Variants in PTPN21 observed in about 807,000 individuals in gnomAD.
PTPN21 encodes the protein tyrosine-protein phosphatase non-receptor type 21.
Under a neutral mutation model 131.8 loss-of-function variants are expected in PTPN21, and 77 were observed. The ratio of observed to expected loss-of-function variants is 0.58; its 90% CI spans 0.49 to 0.71. The LOEUF is 0.71. PTPN21 is among the 30% of genes least tolerant of loss of function. PTPN21 has a pLI of 0.00. For synonymous variants in PTPN21, 715 were observed against 621.3 expected, an observed-to-expected ratio of 1.15 and a Z score of -2.24; for missense variants, 1,552 against 1,527.1, an observed-to-expected ratio of 1.02 and a Z score of -0.27.
intron 2 of PTPN21, among the ~76,000 whole-genome samples, chr14:88,522,244 T>C (rs755306989): frequency 3.3e-5 from 5 of 151,608 alleles, no homozygotes; most frequent in Non-Finnish European, 5.9e-5. Flanking sequence ...CTGGCCAACA[T>C]GGTGAAACTC....
intron 1 of PTPN21, among the ~76,000 whole-genome samples, chr14:88,550,951 T>C (rs2139371060): frequency 6.6e-6 from 1 of 152,314 alleles, no homozygotes; most frequent in South Asian, 2.1e-4. Context: ...TGTTGTTTTT[T>C]CATAGGTAAC....
At chr14:88,508,158 T>G (rs988315981) in intron 3 of PTPN21, 138 bp from the exon 4 acceptor site, 33 of 525,806 alleles carry the variant, frequency 6.3e-5, no homozygotes, top group Admixed American at 1.4e-4. Flanking sequence ...GTGTTTTTTT[T>G]TTTTTTTTTA....
chr14:88,489,857 A>AC (rs1595363323), intron 10 of PTPN21, among the ~76,000 whole-genome samples: 3 of 151,232 alleles, frequency 2.0e-5, no homozygotes, highest in Non-Finnish European at 4.4e-5. Context: ...TCCACTGTTC[A>AC]CCCCCCTACC....
chr14:88,498,229 T>C (rs2077954377), intron 8 of PTPN21, among the ~76,000 whole-genome samples: 1 of 152,014 alleles, frequency 6.6e-6, no homozygotes, highest in East Asian at 1.9e-4. Flanking sequence ...TGAACCAAGA[T>C]TGTGCCACTG....
rs2077361520 is a variant in PTPN21 at position 88,466,258 on chromosome 14, T to G, written c.*1879A>C. ...ACATTTTGTTCCTACAAAATGTAAT[T>G]TTTTAATTTTGTAAAATAAAAATGT... On this transcript the variant is annotated 3_prime_UTR_variant, in exon 19 of 19. Coordinates refer to ENST00000556564, the MANE Select transcript of PTPN21 (RefSeq NM_007039.4). 6.6e-6 allele frequency: 1 copy of G among 151,594 alleles called. No homozygotes were observed. 9.4% of individuals were successfully genotyped at this position (151,594 alleles called of 1,614,324 possible). A position where few individuals can be genotyped will look rare whatever the true frequency, so the allele number is the denominator to read the frequency against.
chr14:88,524,763 G>A (rs1287329485), intron 2 of PTPN21, among the ~76,000 whole-genome samples: 1 of 151,750 alleles, frequency 6.6e-6, no homozygotes, highest in East Asian at 1.9e-4. Flanking sequence ...AAGTTAGCTG[G>A]GTGTGGTGGC....
intron 1 of PTPN21, chr14:88,551,524 C>T (rs73317764): frequency 0.084 from 12,746 of 152,296 alleles, 872 homozygotes; most frequent in African/African-American, 0.19. Flanking sequence ...TTTCTGCAGC[C>T]GCGTTTCTGG....
chr14:88,467,951 G>A lies in PTPN21; in HGVS notation c.*186C>T. The A allele has an allele frequency of 1.3e-6, 1 of 783,926 alleles. No individual in the cohort carries two copies. Among genetic ancestry groups the A allele is most frequent in the Non-Finnish European group, 2.1e-6 (1 of 478,260 alleles). The allele number at this position is 783,926 out of a possible 1,614,324, so 48.6% of individuals were successfully genotyped here. A position where few individuals can be genotyped will look rare whatever the true frequency, so the allele number is the denominator to read the frequency against. The stretch of plus-strand genomic sequence containing the variant: ...CTCCTTGAGCACCTTTCCCAGGTTA[G>A]AAACCCCTCTTCAGCCTGTGCTTCG... On this transcript the variant is annotated 3_prime_UTR_variant, in exon 19 of 19. Transcript: ENST00000556564.
rs578053649 is a variant in PTPN21, at chr14:88,550,608, T to C, written c.-191A>G. 5.4e-4 allele frequency: 308 copies of C among 570,056 alleles called. No individual in the cohort carries two copies. The highest frequency in any genetic ancestry group is 7.5e-4 in the Non-Finnish European group (245 of 327,388). 35.3% of individuals were successfully genotyped at this position (570,056 alleles called of 1,614,324 possible). A position where few individuals can be genotyped will look rare whatever the true frequency, so the allele number is the denominator to read the frequency against. ...CTCCAATGGCCCGAGGAAGGGAGCA[T>C]TGACGCCAGCGCTGGGGAAAGAGGA... On this transcript the variant is annotated 5_prime_UTR_variant, in exon 2 of 19. The change abolishes an upstream ATG in the 5' untranslated region. Transcript: ENST00000556564.
At position 88,479,073 on chromosome 14, in the gene PTPN21, G is replaced by A; in HGVS notation, c.2358C>T (p.Pro786=). ...AGGGCATCAGCAGCCCGTCTCTCCA[G>A]GGCCGCTGGGCCTCTGCGGTCGTGC... The part of the protein sequence containing the change: ...PVRTTAEAQR[P]WRDGLLMPSM... The change falls in exon 13 of 19, where the codon CCC becomes CCT. Residue 786 remains proline, a synonymous_variant. Transcript: ENST00000556564. The A allele has an allele frequency of 6.3e-7, 1 of 1,597,538 alleles. No individual in the cohort carries two copies. Among genetic ancestry groups the A allele is most frequent in the South Asian group, 1.1e-5 (1 of 89,478 alleles).
At chr14:88,499,067 G>A (rs1271854092) in intron 8 of PTPN21, among the ~76,000 whole-genome samples, 2 of 152,156 alleles carry the variant, frequency 1.3e-5, no homozygotes, top group African/African-American at 4.8e-5. Flanking sequence ...TGACACTTTG[G>A]GCACCATCAG....
Position 88,550,515 on chromosome 14 carries a change from G to T in PTPN21, c.-98C>A. 2.6e-6 allele frequency: 3 copies of T among 1,166,152 alleles called. No homozygotes were observed. Among genetic ancestry groups the T allele is most frequent in the Non-Finnish European group, 3.6e-6 (3 of 832,736 alleles). 72.2% of individuals were successfully genotyped at this position (1,166,152 alleles called of 1,614,324 possible). ...AGGAGAAAGCGATCCTCTCCGGATG[G>T]GACGAACACTGTCCGGCCTCCAGCT... On this transcript the variant is annotated 5_prime_UTR_variant, in exon 2 of 19. Transcript: ENST00000556564.
chr14:88,494,175 A>G (rs1157274589), intron 10 of PTPN21, among the ~76,000 whole-genome samples: 2 of 152,176 alleles, frequency 1.3e-5, no homozygotes, highest in Non-Finnish European at 2.9e-5. Context: ...GTCATATCTG[A>G]CCAGACAGCA....
At chr14:88,507,456 AC>A (rs2078109182) in intron 4 of PTPN21, among the ~76,000 whole-genome samples, 3 of 152,170 alleles carry the variant, frequency 2.0e-5, no homozygotes, top group Non-Finnish European at 4.4e-5. Context: ...ATATTGTATA[AC>A]CTATTGCTCA....
Position 88,479,878 on chromosome 14 carries a change from A to C in PTPN21, c.1553T>G (p.Phe518Cys). Residue 518 changes from phenylalanine (F) to cysteine (C), a missense_variant, in exon 13 of 19, where the codon TTC becomes TGC. Phe to Cys is a radical substitution (Grantham distance 205, BLOSUM62 -2). Around this residue, in one of 4 missense-constraint regions of PTPN21, gnomAD observed 1,016 missense variants for 883.5 expected, o/e 1.15. Transcript: ENST00000556564. Reference sequence around the variant, plus strand: ...GTAGGGGTAGGGAGACGGGCTGTGGAAGCTGTAGCTCAGGCTGAACGGGCA... The same window carrying C: ...GTAGGGGTAGGGAGACGGGCTGTGGCAGCTGTAGCTCAGGCTGAACGGGCA... Reference protein sequence around the residue: ...AHCPFSLSYSFHSPSPYPYPA... With the variant: ...AHCPFSLSYSCHSPSPYPYPA... The C allele has an allele frequency of 6.3e-7, 1 of 1,582,312 alleles. No individual in the cohort carries two copies. The highest frequency in any genetic ancestry group is 8.6e-7 in the Non-Finnish European group (1 of 1,168,024).
At chr14:88,539,550 C>T (rs1008065946) in intron 2 of PTPN21, among the ~76,000 whole-genome samples, 1 of 152,122 alleles carries the variant, frequency 6.6e-6, no homozygotes, top group African/African-American at 2.4e-5. Flanking sequence ...GCCTGGCCTT[C>T]TTTCCCTTTA....
chr14:88,550,608 T>A lies in PTPN21; in HGVS notation c.-191A>T. On this transcript the variant is annotated 5_prime_UTR_variant, in exon 2 of 19. The change abolishes an upstream ATG in the 5' untranslated region. Coordinates refer to ENST00000556564, the MANE Select transcript of PTPN21 (RefSeq NM_007039.4). ...CTCCAATGGCCCGAGGAAGGGAGCA[T>A]TGACGCCAGCGCTGGGGAAAGAGGA... 3.5e-6 allele frequency: 2 copies of A among 570,062 alleles called. No homozygotes were observed. Among genetic ancestry groups the A allele is most frequent in the Non-Finnish European group, 6.1e-6 (2 of 327,392 alleles). The allele number at this position is 570,062 out of a possible 1,614,324, so 35.3% of individuals were successfully genotyped here. A position where few individuals can be genotyped will look rare whatever the true frequency, so the allele number is the denominator to read the frequency against.
At chr14:88,538,567 G>C (rs755673349) in intron 2 of PTPN21, among the ~76,000 whole-genome samples, 22 of 152,136 alleles carry the variant, frequency 1.4e-4, no homozygotes, top group Non-Finnish European at 1.0e-4. Flanking sequence ...TCTTAAGCAA[G>C]ATAATTGTAA....
At chr14:88,478,200 T>C (rs1417384434) in intron 13 of PTPN21, among the ~76,000 whole-genome samples, 1 of 152,256 alleles carries the variant, frequency 6.6e-6, no homozygotes, top group Non-Finnish European at 1.5e-5. Flanking sequence ...GATGCTACTA[T>C]GCTTTTTTAT....
Sources: gnomAD v4.1 joint callset for allele counts (sites outside exome capture counted in the v4.1 genomes callset) on GRCh38, gnomAD v4.1.1 for gene constraint, gnomAD v4.1.1 regional missense constraint, MANE v1.5 for transcripts, NCBI Gene and HGNC (gene_info 2026-07-23, HGNC 2026-07-21) for gene names.